Variants in DDAH1 observed in about 807,000 individuals in gnomAD.
DDAH1 encodes the protein dimethylarginine dimethylaminohydrolase 1.
DDAH1 carries 19 observed loss-of-function variants against 28.8 expected under a neutral mutation model. That is an observed-to-expected ratio of 0.66 (90% CI 0.46 to 0.97). The LOEUF is 0.97. DDAH1 is among the 50% of genes least tolerant of loss of function. The pLI is 0.00. For missense variants in DDAH1, 326 were observed against 375.9 expected (o/e 0.87, Z 1.10); for synonymous variants, 153 against 154.4 (o/e 0.99, Z 0.07).
intron 2 of DDAH1, among the ~76,000 whole-genome samples, chr1:85,493,113 T>C (rs947987545): frequency 6.6e-6 from 1 of 151,934 alleles, no homozygotes; most frequent in African/African-American, 2.4e-5. Flanking sequence ...ATATATACTT[T>C]CTTTGACCTA....
At chr1:85,491,134 C>T (rs1340287842) in intron 2 of DDAH1, among the ~76,000 whole-genome samples, 2 of 150,048 alleles carry the variant, frequency 1.3e-5, no homozygotes, top group Non-Finnish European at 3.0e-5. Flanking sequence ...GCAACTTCTG[C>T]CTCCCAGGCT....
chr1:85,572,347 G>A (rs992069531), intron 1 of DDAH1, among the ~76,000 whole-genome samples: 2 of 152,248 alleles, frequency 1.3e-5, no homozygotes, highest in South Asian at 2.1e-4. Context: ...TTAAGGGGAA[G>A]TCAAGAAGTT....
chr1:85,524,550 C>G (rs1657797819), intron 1 of DDAH1, among the ~76,000 whole-genome samples: 1 of 151,906 alleles, frequency 6.6e-6, no homozygotes, highest in Non-Finnish European at 1.5e-5. Flanking sequence ...GAACTACTAT[C>G]AACCTGAGAA....
chr1:85,410,607 C>A, intron 1 of DDAH1, among the ~76,000 whole-genome samples: 1 of 147,168 alleles, frequency 6.8e-6, no homozygotes, highest in South Asian at 2.1e-4. Flanking sequence ...CCATTGCACT[C>A]CAGCCTGCAA....
intron 1 of DDAH1, among the ~76,000 whole-genome samples, chr1:85,369,259 T>G (rs189806256): frequency 6.6e-6 from 1 of 150,884 alleles, no homozygotes; most frequent in African/African-American, 2.4e-5. Context: ...GGGGTCTACT[T>G]ATGCTGCCCA....
Position 85,321,338 on chromosome 1 carries a change from A to T in DDAH1, c.*114T>A, listed in dbSNP as rs1426270433. 8.5e-6 allele frequency: 6 copies of T among 703,226 alleles called. No homozygotes were observed. The highest frequency in any genetic ancestry group is 2.2e-5 in the Admixed American group (1 of 45,588). The allele number at this position is 703,226 out of a possible 1,614,324, so 43.6% of individuals were successfully genotyped here. ...CAACTTAGAATCAAATTTTGTAAACAAGAGTTAGTAGCACAGTGGCACAGT... is the reference window on the plus strand; with the variant it reads ...CAACTTAGAATCAAATTTTGTAAACTAGAGTTAGTAGCACAGTGGCACAGT... On this transcript the variant is annotated 3_prime_UTR_variant, in exon 6 of 6. Coordinates refer to ENST00000284031, the MANE Select transcript of DDAH1 (RefSeq NM_012137.4).
intron 4 of DDAH1, among the ~76,000 whole-genome samples, chr1:85,327,839 A>G (rs976722482): frequency 2.0e-5 from 3 of 152,248 alleles, no homozygotes. Context: ...CAGATATTAA[A>G]TGTGTAATAA....
upstream of DDAH1, among the ~76,000 whole-genome samples, chr1:85,466,829 A>ATTTTTT (rs1158919618): frequency 4.3e-4 from 20 of 46,530 alleles, no homozygotes; most frequent in East Asian, 9.2e-3. Context: ...TTCATTATTT[A>ATTTTTT]TTCTTTTTTT....
intron 1 of DDAH1, among the ~76,000 whole-genome samples, chr1:85,566,173 T>C (rs1659294288): frequency 6.6e-6 from 1 of 150,948 alleles, no homozygotes; most frequent in Non-Finnish European, 1.5e-5. Context: ...AATAAAACAA[T>C]TCAATCCCCA....
intron 2 of DDAH1, among the ~76,000 whole-genome samples, chr1:85,476,901 A>G (rs1183193406): frequency 6.6e-6 from 1 of 152,198 alleles, no homozygotes; most frequent in Admixed American, 6.5e-5. Context: ...CACAACTAGC[A>G]CTAGTCACTG....
At chr1:85,470,364 T>C (rs1455859069) in intron 2 of DDAH1, among the ~76,000 whole-genome samples, 1 of 152,188 alleles carries the variant, frequency 6.6e-6, no homozygotes, top group Non-Finnish European at 1.5e-5. Flanking sequence ...GTAAGACTTA[T>C]TCAGTACCAC....
At chr1:85,370,832 AAATTGAAG>A (rs1289210012) in intron 1 of DDAH1, among the ~76,000 whole-genome samples, 4 of 152,148 alleles carry the variant, frequency 2.6e-5, no homozygotes, top group Non-Finnish European at 4.4e-5. Flanking sequence ...TGGAGAGAAA[AAATTGAAG>A]AACTGTGTGG....
At chr1:85,404,619 A>G in intron 1 of DDAH1, 3 of 1,041,870 alleles carry the variant, frequency 2.9e-6, no homozygotes, top group African/African-American at 1.6e-5. Context: ...AACCGAATCC[A>G]AGAGTTCAAT....
At chr1:85,509,631 G>GAGAAGACTTA (rs1657153051) in intron 1 of DDAH1, among the ~76,000 whole-genome samples, 1 of 152,184 alleles carries the variant, frequency 6.6e-6, no homozygotes, top group Non-Finnish European at 1.5e-5. Flanking sequence ...AAACAATGTA[G>GAGAAGACTTA]AGAAGACCTT....
chr1:85,358,829 C>T lies in DDAH1; in HGVS notation c.322G>A (p.Ala108Thr). 1.2e-6 allele frequency: 2 copies of T among 1,605,744 alleles called. No individual in the cohort carries two copies. Among genetic ancestry groups the T allele is most frequent in the Admixed American group, 3.4e-5 (2 of 58,272 alleles). ...RRKEVDMMKE[A>T]LEKLQLNIVE... is the part of the protein sequence containing the mutation. ...ATATTGAGCTGAAGTTTTTCTAATG[C>T]TTCTTTCATCATGTCAACCTGTTGA... Residue 108 changes from alanine (A) to threonine (T), a missense_variant, in exon 2 of 6, where the codon GCA becomes ACA. Ala to Thr is a moderately conservative substitution (Grantham distance 58). Transcript: ENST00000284031.
At position 85,513,630 on chromosome 1, in the gene DDAH1, G is replaced by A. The variant is rs536317702; in HGVS notation, c.-122-17349C>T. Among the ~76,000 whole-genome samples, 5 of 152,072 alleles carry A rather than the reference G, an allele frequency of 3.3e-5. No homozygotes were observed. In the South Asian group the frequency reaches 1.0e-3, roughly 32 times the overall value. Reference sequence around the variant, plus strand: ...GACAAAGGGCTAATATCCAGAATCTGTGATGAACTCAAACAAATTTACAAG... The same window carrying A: ...GACAAAGGGCTAATATCCAGAATCTATGATGAACTCAAACAAATTTACAAG... On this transcript the variant is annotated intron_variant, in intron 1 of 6. Transcript: ENST00000426972.
chr1:85,546,825 GAAAT>G (rs1471962245), intron 1 of DDAH1, among the ~76,000 whole-genome samples: 3 of 152,058 alleles, frequency 2.0e-5, no homozygotes, highest in Admixed American at 2.0e-4. Context: ...AAAAAAAGAA[GAAAT>G]AAATAAACAA....
chr1:85,425,319 A>T (rs1653344197), intron 1 of DDAH1, among the ~76,000 whole-genome samples: 2 of 151,826 alleles, frequency 1.3e-5, no homozygotes, highest in South Asian at 4.2e-4. Flanking sequence ...GTTTTCTTCA[A>T]ATATTTTTTT....
At chr1:85,550,877 T>C (rs753618238) in intron 1 of DDAH1, among the ~76,000 whole-genome samples, 1 of 152,218 alleles carries the variant, frequency 6.6e-6, no homozygotes, top group Non-Finnish European at 1.5e-5. Flanking sequence ...TTGCTAGCAC[T>C]GACTGGATTA....
Sources: gnomAD v4.1 joint callset for allele counts (sites outside exome capture counted in the v4.1 genomes callset) on GRCh38, gnomAD v4.1.1 for gene constraint, MANE v1.5 for transcripts, NCBI Gene and HGNC (gene_info 2026-07-23, HGNC 2026-07-21) for gene names.